FBXO8: variants seen among roughly 807,000 people sequenced by gnomAD.
FBXO8 encodes the protein F-box only protein 8.
Under a neutral mutation model 33.4 loss-of-function variants are expected in FBXO8, and 15 were observed. That is an observed-to-expected ratio of 0.45 (90% confidence interval 0.30 to 0.69). The LOEUF is 0.69. FBXO8 is among the 30% of genes least tolerant of loss of function. The pLI, the probability that FBXO8 is intolerant of heterozygous loss-of-function variation, is 0.08. For missense variants in FBXO8, 274 were observed against 380.3 expected (o/e 0.72, Z 2.32); for synonymous variants, 132 against 131.5 (o/e 1.00, Z -0.02).
In FBXO8 at chr4:174,278,234, T is replaced by G. The variant is rs1342878012; in HGVS notation, c.-9+5176A>C. On this transcript the variant is annotated intron_variant, in intron 1 of 5. Coordinates refer to ENST00000393674, the MANE Select transcript of FBXO8 (RefSeq NM_012180.3). This position sits in a 1 kb window ranked among gnomAD's most constrained non-coding sequence, Gnocchi z 4.1. ...AGTACTAAGAGGTCACAAGGTACAT[T>G]GAACACATAAAAAGCCCCTACTCAT... Among the ~76,000 whole-genome samples, 1 of 152,050 alleles carries G rather than the reference T, an allele frequency of 6.6e-6. No homozygotes were observed. The highest frequency in any genetic ancestry group is 1.5e-5 in the Non-Finnish European group (1 of 67,934).
chr4:174,282,455 G>A (rs1310254382), intron 1 of FBXO8, among the ~76,000 whole-genome samples: 1 of 152,112 alleles, frequency 6.6e-6, no homozygotes, highest in African/African-American at 2.4e-5. Context: ...CAGACATATT[G>A]TCAGGTTAAT....
chr4:174,243,395 C>T (rs1317177204), intron 3 of FBXO8, among the ~76,000 whole-genome samples: 1 of 150,740 alleles, frequency 6.6e-6, no homozygotes, highest in Non-Finnish European at 1.5e-5. Flanking sequence ...AGAAGGGCTA[C>T]CAAAGTGAAT....
intron 5 of FBXO8, 142 bp downstream of exon 5, chr4:174,238,848 TAGTC>T (rs1312984746): frequency 6.1e-6 from 3 of 493,704 alleles, no homozygotes; most frequent in Non-Finnish European, 1.0e-5. Flanking sequence ...AATGATGAAG[TAGTC>T]AGTCACTGCT....
chr4:174,275,238 A>C lies in FBXO8; in HGVS notation c.-9+8172T>G, dbSNP rs2126449185. Among the ~76,000 whole-genome samples the C allele has an allele frequency of 6.6e-6, 1 of 152,328 alleles. No individual in the cohort carries two copies. Among genetic ancestry groups the C allele is most frequent in the East Asian group, 1.9e-4 (1 of 5,182 alleles). On this transcript the variant is annotated intron_variant, in intron 1 of 5. Transcript: ENST00000393674. The surrounding 1 kb of genome is among the most constrained non-coding windows in gnomAD (Gnocchi z 4.4). The stretch of plus-strand genomic sequence containing the variant: ...CAGGAGAGAGGTGCGTACGGTTATA[A>C]AAGCACAGTGTGAGAGATCCCTGTG...
Position 174,281,257 on chromosome 4 carries a change from T to A in FBXO8, c.-9+2153A>T, listed in dbSNP as rs1737080994. 6.6e-6 allele frequency among the ~76,000 whole-genome samples: 1 copy of A among 152,200 alleles called. No individual in the cohort carries two copies. The highest frequency in any genetic ancestry group is 6.5e-5 in the Admixed American group (1 of 15,282). ...AGAGTCTCTCCAAGCTTGGCTTACT[T>A]GCTAAAATCTGGTTCCTTCATTCAA... On this transcript the variant is annotated intron_variant, in intron 1 of 5. Coordinates refer to ENST00000393674, the MANE Select transcript of FBXO8 (RefSeq NM_012180.3). The surrounding 1 kb of genome is among the most constrained non-coding windows in gnomAD (Gnocchi z 4.6).
chr4:174,274,334 A>G lies in FBXO8; in HGVS notation c.-9+9076T>C, dbSNP rs75008716. Among the ~76,000 whole-genome samples, 611 of 152,336 alleles carry G rather than the reference A, an allele frequency of 4.0e-3. 2 individuals carry two copies. The highest frequency in any genetic ancestry group is 0.014 in the African/African-American group (591 of 41,570). On this transcript the variant is annotated intron_variant, in intron 1 of 5. Coordinates refer to ENST00000393674, the MANE Select transcript of FBXO8 (RefSeq NM_012180.3). The surrounding 1 kb of genome is among the most constrained non-coding windows in gnomAD (Gnocchi z 4.0). ...TTCCATGGGACTTAGTAGGGATAAC[A>G]TTTATGGAACTTAACCCATAGTAGG... is the stretch of plus-strand genomic sequence containing the variant.
rs2126445364 is a variant in FBXO8, at chr4:174,270,913, A to C, written c.-8-7813T>G. ...TTAAACTAATATTGGGATAAGTATAAATGGCAGGGTATCATCTCATGACCA... is the reference window on the plus strand; with the variant it reads ...TTAAACTAATATTGGGATAAGTATACATGGCAGGGTATCATCTCATGACCA... On this transcript the variant is annotated intron_variant, in intron 1 of 5. Transcript: ENST00000393674. This position sits in a 1 kb window ranked among gnomAD's most constrained non-coding sequence, Gnocchi z 4.6. Among the ~76,000 whole-genome samples, 1 of 152,318 alleles carries C rather than the reference A, an allele frequency of 6.6e-6. No individual in the cohort carries two copies. Among genetic ancestry groups the C allele is most frequent in the East Asian group, 1.9e-4 (1 of 5,184 alleles).
intron 3 of FBXO8, among the ~76,000 whole-genome samples, chr4:174,258,297 TA>T (rs1228826933): frequency 6.6e-6 from 1 of 152,070 alleles, no homozygotes; most frequent in Admixed American, 6.6e-5. Context: ...TATTTTATAA[TA>T]AAAGGCATGA....
At chr4:174,282,580 G>C (rs915918644) in intron 1 of FBXO8, among the ~76,000 whole-genome samples, 1 of 152,176 alleles carries the variant, frequency 6.6e-6, no homozygotes, top group Non-Finnish European at 1.5e-5. Context: ...GAGTTGAGAA[G>C]TGTGTAGAGC....
rs1298208648 is a variant in FBXO8, at chr4:174,270,763, C to G, written c.-8-7663G>C. On this transcript the variant is annotated intron_variant, in intron 1 of 5. Coordinates refer to ENST00000393674, the MANE Select transcript of FBXO8 (RefSeq NM_012180.3). The surrounding 1 kb of genome is among the most constrained non-coding windows in gnomAD (Gnocchi z 4.6). ...TCCCGAGTGCTGGGATTACAGGCAC[C>G]TGCCACCACGCCTGGCTAATTTTTG... 6.6e-6 allele frequency among the ~76,000 whole-genome samples: 1 copy of G among 151,960 alleles called. No individual in the cohort carries two copies. Among genetic ancestry groups the G allele is most frequent in the Admixed American group, 6.6e-5 (1 of 15,258 alleles).
At position 174,263,051 on chromosome 4, in the gene FBXO8, C is replaced by G; in HGVS notation, c.42G>C (p.Leu14=). The G allele has an allele frequency of 1.2e-6, 2 of 1,613,918 alleles. No individual in the cohort carries two copies. The highest frequency in any genetic ancestry group is 1.7e-6 in the Non-Finnish European group (2 of 1,179,920). The change falls in exon 2 of 6, where the codon CTG becomes CTC. Residue 14 remains leucine (L), a synonymous_variant. Coordinates refer to ENST00000393674, the MANE Select transcript of FBXO8 (RefSeq NM_012180.3). The surrounding 1 kb of genome is among the most constrained non-coding windows in gnomAD (Gnocchi z 4.2). ...CTTGCTCACTGTAGCCTTCTTGTTG[C>G]AGCTGCTGGTTTCTGACCACTCTCC... ...GLWRVVRNQQ[L]QQEGYSEQGY...
At position 174,252,193 on chromosome 4, in the gene FBXO8, T is replaced by C. The variant is rs189193856; in HGVS notation, c.456+7506A>G. ...CATGTTGCCTGGGCTGGTCTCAAAC[T>C]CCTGAGCTCAAGTTATCCACCCACC... On this transcript the variant is annotated intron_variant, in intron 3 of 5. Transcript: ENST00000393674. The surrounding 1 kb of genome is among the most constrained non-coding windows in gnomAD (Gnocchi z 5.1). Among the ~76,000 whole-genome samples, 128 of 152,196 alleles carry C rather than the reference T, an allele frequency of 8.4e-4. No individual in the cohort carries two copies. Among genetic ancestry groups the C allele is most frequent in the Non-Finnish European group, 1.6e-3 (107 of 67,996 alleles).
Position 174,263,644 on chromosome 4 carries a change from G to A in FBXO8, c.-8-544C>T, listed in dbSNP as rs970671019. On this transcript the variant is annotated intron_variant, in intron 1 of 5. Transcript: ENST00000393674. The surrounding 1 kb of genome is among the most constrained non-coding windows in gnomAD (Gnocchi z 4.2). ...TAGACTGTAATAAAATGTAACATAGGCCCTGAAGTCTAATTCAGAAACCTT... is the reference window on the plus strand; with the variant it reads ...TAGACTGTAATAAAATGTAACATAGACCCTGAAGTCTAATTCAGAAACCTT... Among the ~76,000 whole-genome samples the A allele has an allele frequency of 1.3e-5, 2 of 152,068 alleles. No homozygotes were observed. Among genetic ancestry groups the A allele is most frequent in the African/African-American group, 4.8e-5 (2 of 41,388 alleles).
intron 1 of FBXO8, among the ~76,000 whole-genome samples, chr4:174,279,363 A>C (rs1688910466): frequency 6.6e-6 from 1 of 152,154 alleles, no homozygotes; most frequent in Non-Finnish European, 1.5e-5. Context: ...AAAGAAGTGA[A>C]AGACAAATAA....
chr4:174,255,582 A>C lies in FBXO8; in HGVS notation c.456+4117T>G, dbSNP rs1402574410. Among the ~76,000 whole-genome samples, 2 of 152,000 alleles carry C rather than the reference A, an allele frequency of 1.3e-5. No homozygotes were observed. Among genetic ancestry groups the C allele is most frequent in the South Asian group, 4.1e-4 (2 of 4,824 alleles). ...ATAAATACCAGAAAAATGTGCTTAC[A>C]TAGTCATTAAAAAAAAAAACTTGTT... On this transcript the variant is annotated intron_variant, in intron 3 of 5. Coordinates refer to ENST00000393674, the MANE Select transcript of FBXO8 (RefSeq NM_012180.3). This position sits in a 1 kb window ranked among gnomAD's most constrained non-coding sequence, Gnocchi z 4.3.
intron 1 of FBXO8, among the ~76,000 whole-genome samples, chr4:174,268,624 G>A (rs1736755686): frequency 6.6e-6 from 1 of 151,962 alleles, no homozygotes; most frequent in Non-Finnish European, 1.5e-5. Context: ...TTTTAGTAGA[G>A]ACGGGGTTTC....
chr4:174,258,883 GACA>G, intron 3 of FBXO8, among the ~76,000 whole-genome samples: 1 of 151,820 alleles, frequency 6.6e-6, no homozygotes, highest in South Asian at 2.1e-4. Context: ...TTAATACCTC[GACA>G]ACAAATGAAA....
chr4:174,270,987 A>C lies in FBXO8; in HGVS notation c.-8-7887T>G, dbSNP rs754459143. Among the ~76,000 whole-genome samples the C allele has an allele frequency of 2.6e-5, 4 of 152,186 alleles. No homozygotes were observed. The highest frequency in any genetic ancestry group is 4.4e-5 in the Non-Finnish European group (3 of 68,032). On this transcript the variant is annotated intron_variant, in intron 1 of 5. Transcript: ENST00000393674. The surrounding 1 kb of genome is among the most constrained non-coding windows in gnomAD (Gnocchi z 4.6). ...AATTGGACAGGAAACAGAAGAAACA[A>C]TTTTTGGACTCACTTTTGAAACAAT...
chr4:174,269,291 T>C (rs1736774724), intron 1 of FBXO8: 1 of 151,558 alleles, frequency 6.6e-6, no homozygotes, highest in Non-Finnish European at 1.5e-5. Context: ...ATTTCAAAGT[T>C]GAAACTCTTC....
Sources: gnomAD v4.1 joint callset for allele counts (sites outside exome capture counted in the v4.1 genomes callset) on GRCh38, gnomAD v4.1.1 for gene constraint, Gnocchi (gnomAD v3.1) non-coding constraint, MANE v1.5 for transcripts, NCBI Gene and HGNC (gene_info 2026-07-23, HGNC 2026-07-21) for gene names.